Variants in MAF observed in about 807,000 individuals in gnomAD.
MAF encodes the protein MAF bZIP transcription factor, also known as transcription factor Maf.
MAF carries 10 observed loss-of-function variants against 22.0 expected under a neutral mutation model. The ratio of observed to expected loss-of-function variants is 0.45; its 90% CI spans 0.28 to 0.77. The LOEUF (loss-of-function observed/expected upper bound fraction) is 0.77, where lower values mean the gene tolerates loss of function less well. Ranked by LOEUF, MAF falls within the 30% of genes least tolerant of loss-of-function variation. The pLI is 0.12. For synonymous variants in MAF, 337 were observed against 255.8 expected, an observed-to-expected ratio of 1.32 and a Z score of -3.03; for missense variants, 544 against 548.4, an observed-to-expected ratio of 0.99 and a Z score of 0.08.
At chr16:79,402,625 C>G in the MAF span, among the ~76,000 whole-genome samples, 2 of 152,210 alleles carry the variant, frequency 1.3e-5, no homozygotes, top group Non-Finnish European at 2.9e-5. Flanking sequence ...GCCAGCCCAG[C>G]TCCAGGGGAA....
At chr16:79,470,790 G>A in the MAF span, among the ~76,000 whole-genome samples, 1 of 152,176 alleles carries the variant, frequency 6.6e-6, no homozygotes, top group Admixed American at 6.5e-5. Flanking sequence ...GTGGATGGAT[G>A]GGTGAACGGA....
the MAF span, chr16:79,211,513 G>T: frequency 4.3e-4 from 656 of 1,515,664 alleles, 2 homozygotes; most frequent in African/African-American, 7.4e-3. Context: ...TGAACCAGGT[G>T]GGGGAGGCCT....
At chr16:79,552,707 G>C in the MAF span, among the ~76,000 whole-genome samples, 1 of 152,110 alleles carries the variant, frequency 6.6e-6, no homozygotes, top group Admixed American at 6.5e-5. Context: ...GGCCTTGCTG[G>C]GCAGCTGGTT....
the MAF span, among the ~76,000 whole-genome samples, chr16:79,478,707 A>T: frequency 6.6e-6 from 1 of 152,114 alleles, no homozygotes; most frequent in African/African-American, 2.4e-5. Flanking sequence ...CCCAGGGTTC[A>T]TTCTAGTGCA....
chr16:79,354,005 A>T, the MAF span, among the ~76,000 whole-genome samples: 4 of 151,952 alleles, frequency 2.6e-5, no homozygotes, highest in Non-Finnish European at 4.4e-5. Flanking sequence ...TTTTCTTTTT[A>T]AATTTTTGAG....
chr16:79,210,960 A>G, the MAF span, among the ~76,000 whole-genome samples: 1 of 152,140 alleles, frequency 6.6e-6, no homozygotes, highest in Non-Finnish European at 1.5e-5. Context: ...TATGACATTT[A>G]GAAAAAGGTT....
the MAF span, among the ~76,000 whole-genome samples, chr16:79,234,761 G>T: frequency 1.3e-5 from 2 of 152,120 alleles, no homozygotes; most frequent in African/African-American, 4.8e-5. Context: ...ACACAGTGGG[G>T]AGTGGCTCCC....
At chr16:79,211,585 T>C in the MAF span, 3 of 1,614,100 alleles carry the variant, frequency 1.9e-6, no homozygotes, top group Non-Finnish European at 2.5e-6. Context: ...AATTTTTTTT[T>C]GTCTTTCTTC....
the MAF span, among the ~76,000 whole-genome samples, chr16:79,514,058 C>G: frequency 6.6e-6 from 1 of 152,228 alleles, no homozygotes; most frequent in Non-Finnish European, 1.5e-5. Context: ...CCTCCTTCCC[C>G]TACATTTTAG....
chr16:79,385,936 A>G, the MAF span, among the ~76,000 whole-genome samples: 1 of 152,192 alleles, frequency 6.6e-6, no homozygotes, highest in African/African-American at 2.4e-5. Context: ...AATAAAACAA[A>G]AAAAACTTCA....
At chr16:79,359,020 A>G in the MAF span, among the ~76,000 whole-genome samples, 2 of 152,342 alleles carry the variant, frequency 1.3e-5, no homozygotes, top group African/African-American at 4.8e-5. Flanking sequence ...CATATTTTTC[A>G]GGGAGGCCTG....
At chr16:79,457,977 A>G in the MAF span, among the ~76,000 whole-genome samples, 1 of 152,046 alleles carries the variant, frequency 6.6e-6, no homozygotes, top group Non-Finnish European at 1.5e-5. Flanking sequence ...GAAACTCACA[A>G]CCTTTCTTAT....
At chr16:79,402,760 C>T in the MAF span, among the ~76,000 whole-genome samples, 13 of 152,182 alleles carry the variant, frequency 8.5e-5, no homozygotes, top group Middle Eastern at 3.4e-3. Context: ...TTGGCAATGA[C>T]GCTGGATTAG....
the MAF span, among the ~76,000 whole-genome samples, chr16:79,299,090 G>A: frequency 6.6e-6 from 1 of 152,310 alleles, no homozygotes; most frequent in South Asian, 2.1e-4. Context: ...TGAGAATGAA[G>A]AGCAAATATT....
chr16:79,276,614 A>T, the MAF span, among the ~76,000 whole-genome samples: 1 of 152,142 alleles, frequency 6.6e-6, no homozygotes, highest in Non-Finnish European at 1.5e-5. Flanking sequence ...CTTTGACATC[A>T]CCCATCAGTG....
the MAF span, among the ~76,000 whole-genome samples, chr16:79,478,311 T>G: frequency 6.6e-6 from 1 of 152,192 alleles, no homozygotes; most frequent in Admixed American, 6.5e-5. Context: ...AGTTTCCTAT[T>G]TTCTCATTTT....
chr16:79,321,714 A>T, the MAF span, among the ~76,000 whole-genome samples: 1 of 137,336 alleles, frequency 7.3e-6, no homozygotes, highest in East Asian at 2.1e-4. Flanking sequence ...GTAGTGGCAC[A>T]ATCTCAGCTC....
chr16:79,220,255 CAAAAAAAAA>C, the MAF span, among the ~76,000 whole-genome samples: 1 of 94,060 alleles, frequency 1.1e-5, no homozygotes, highest in Non-Finnish European at 2.1e-5. Flanking sequence ...GACTCCATCT[CAAAAAAAAA>C]AAAAAAAAAA....
At chr16:79,580,345 G>C in the MAF span, among the ~76,000 whole-genome samples, 1 of 152,184 alleles carries the variant, frequency 6.6e-6, no homozygotes, top group African/African-American at 2.4e-5. Context: ...AGAGCAAACA[G>C]ATGGAACAGT....
Sources: allele counts gnomAD v4.1 joint callset (sites outside exome capture counted in the v4.1 genomes callset), GRCh38; gene constraint gnomAD v4.1.1; transcripts MANE v1.5; gene names NCBI Gene and HGNC (gene_info 2026-07-23, HGNC 2026-07-21).